TKFC: variants seen among roughly 807,000 people sequenced by gnomAD.
TKFC encodes triokinase and FMN cyclase.
A neutral mutation model predicts 61.0 loss-of-function variants in TKFC; 46 were observed. The observed-to-expected ratio is 0.75, with a 90% confidence interval of 0.60 to 0.96. TKFC has a LOEUF of 0.96. TKFC is among the 50% of genes least tolerant of loss of function. The pLI is 0.00. For synonymous variants in TKFC, 314 were observed against 330.1 expected, an observed-to-expected ratio of 0.95 and a Z score of 0.53; for missense variants, 715 against 777.5, an observed-to-expected ratio of 0.92 and a Z score of 0.96.
Position 61,345,950 on chromosome 11 carries a change from A to C in TKFC, c.1575+4A>C. 1 of 1,613,276 alleles carries C rather than the reference A, an allele frequency of 6.2e-7. No individual in the cohort carries two copies. The highest frequency in any genetic ancestry group is 8.5e-7 in the Non-Finnish European group (1 of 1,179,880). ...AGTCCTGACCAAAGCAGTCAAGGTG[A>C]GTGAGGCTGGGCCCAGCCACCTGGG... is the stretch of plus-strand genomic sequence containing the variant. On this transcript the variant is annotated splice_donor_region_variant and intron_variant, in intron 17 of 17. Transcript: ENST00000394900.
Position 61,339,373 on chromosome 11 carries a change from G to A in TKFC, c.424G>A (p.Ala142Thr), listed in dbSNP as rs775617467. 10 of 1,613,570 alleles carry A rather than the reference G, an allele frequency of 6.2e-6. No individual in the cohort carries two copies. The highest frequency in any genetic ancestry group is 4.5e-5 in the East Asian group (2 of 44,870). ...VEMVVIGDDS[A>T]FTVLKKAGRR... ...GATGGTGGTGATTGGGGACGACAGC[G>A]CCTTCACTGTCCTGAAGAAGGCAGG... The change falls in exon 5 of 18, where the codon GCC becomes ACC. Residue 142 changes from alanine (A) to threonine (T), a missense_variant. By Grantham distance (58) the Ala-to-Thr change is moderately conservative. Transcript: ENST00000394900.
chr11:61,345,128 G>A (rs1857054756), intron 13 of TKFC, 132 bp from the exon 14 acceptor site: 2 of 760,894 alleles, frequency 2.6e-6, no homozygotes, highest in Non-Finnish European at 4.1e-6. Flanking sequence ...CACACTGGAT[G>A]TGGAAAGGGA....
rs1236516438 is a variant in TKFC at position 61,339,034 on chromosome 11, C to T, written c.194-32C>T. 3.1e-6 allele frequency: 5 copies of T among 1,593,318 alleles called. No homozygotes were observed. In the African/African-American group the frequency reaches 6.7e-5, roughly 21 times the overall value. On this transcript the variant is annotated intron_variant, in intron 3 of 17. Transcript: ENST00000394900. ...AGTGACTACAGGCGCGAGTCCCACC[C>T]AGCATGCTCACTCCACTCCTTCCAC...
At position 61,348,609 on chromosome 11, in the gene TKFC, C is replaced by A; in HGVS notation, c.*2106C>A. 1 of 575,310 alleles carries A rather than the reference C, an allele frequency of 1.7e-6. No homozygotes were observed. The highest frequency in any genetic ancestry group is 2.2e-6 in the Non-Finnish European group (1 of 454,974). 35.6% of individuals were successfully genotyped at this position (575,310 alleles called of 1,614,324 possible). On this transcript the variant is annotated 3_prime_UTR_variant, in exon 18 of 18. Transcript: ENST00000394900. ...GTTATGAGGGTGGAGCCCCAGAGAG[C>A]TCTCACGCCCTTTCCACCATGTGAG... is the stretch of plus-strand genomic sequence containing the variant.
At chr11:61,351,251 G>A, downstream of TKFC, 1 of 1,223,596 alleles carries the variant, frequency 8.2e-7, no homozygotes, top group Admixed American at 3.3e-5. Flanking sequence ...ACCTTCCCGG[G>A]TCCATATGTG....
At chr11:61,334,435 G>T in intron 1 of TKFC, 185 bp from the exon 2 acceptor site, 1 of 416,526 alleles carries the variant, frequency 2.4e-6, no homozygotes, top group East Asian at 4.5e-5. Context: ...CTGTCTTCTG[G>T]CAGTGAAGTG....
chr11:61,345,734 G>A lies in TKFC; in HGVS notation c.1474G>A (p.Asp492Asn). Reference protein sequence around the residue: ...MQKYGKAAPGDRTMLDSLWAA... With the variant: ...MQKYGKAAPGNRTMLDSLWAA... ...CAGGTATGGCAAGGCTGCTCCAGGGGACAGGACTATGGTATGTACTCAGGC... is the reference window on the plus strand; with the variant it reads ...CAGGTATGGCAAGGCTGCTCCAGGGAACAGGACTATGGTATGTACTCAGGC... Residue 492 changes from aspartate to asparagine, a missense_variant, in exon 16 of 18, where the codon GAC (aspartate) becomes AAC (asparagine). By Grantham distance (23) the Asp-to-Asn change is conservative (BLOSUM62 1). Transcript: ENST00000394900. 6.2e-7 allele frequency: 1 copy of A among 1,614,252 alleles called. No individual in the cohort carries two copies.
In TKFC at chr11:61,345,702, TCCCTG is replaced by T; in HGVS notation, c.1452-7_1452-3del. On this transcript the variant is annotated splice_polypyrimidine_tract_variant and splice_region_variant and intron_variant, in intron 15 of 17. Coordinates refer to ENST00000394900, the MANE Select transcript of TKFC (RefSeq NM_015533.4). ...TATAGTGAGCCTCTTTCACTCTCTT[TCCCTG>T]CCAGGTATGGCAAGGCTGCTCCAGG... 6.2e-7 allele frequency: 1 copy of T among 1,614,232 alleles called. No homozygotes were observed. The highest frequency in any genetic ancestry group is 8.5e-7 in the Non-Finnish European group (1 of 1,180,036).
In TKFC at chr11:61,347,167, G is replaced by A; in HGVS notation, c.*664G>A. ...CTTAGCATTGAATTAATAATTCAGT[G>A]GCTCCTCGGGAGTCGAATGGGCATT... On this transcript the variant is annotated 3_prime_UTR_variant, in exon 18 of 18. Coordinates refer to ENST00000394900, the MANE Select transcript of TKFC (RefSeq NM_015533.4). 1 of 985,434 alleles carries A rather than the reference G, an allele frequency of 1.0e-6. No individual in the cohort carries two copies. Among genetic ancestry groups the A allele is most frequent in the Non-Finnish European group, 1.2e-6 (1 of 829,944 alleles). The allele number at this position is 985,434 out of a possible 1,614,324, so 61.0% of individuals were successfully genotyped here.
chr11:61,339,915 C>A (rs1381863712), intron 5 of TKFC, among the ~76,000 whole-genome samples: 1 of 152,204 alleles, frequency 6.6e-6, no homozygotes, highest in Non-Finnish European at 1.5e-5. Flanking sequence ...TGCCTACAAT[C>A]AATACAAGCC....
At chr11:61,350,126 CA>C (rs376630188), downstream of TKFC, 12 of 577,958 alleles carry the variant, frequency 2.1e-5, no homozygotes, top group African/African-American at 1.1e-4. Context: ...CCAGAGAAGG[CA>C]GGCCCAGCAC....
At chr11:61,343,136 T>C in intron 10 of TKFC, 1 of 613,524 alleles carries the variant, frequency 1.6e-6, no homozygotes, top group Non-Finnish European at 2.9e-6. Context: ...AAATGAGACC[T>C]GTAATTACTC....
chr11:61,342,327 A>G (rs764998951), intron 7 of TKFC, 134 bp from the exon 8 acceptor site: 10 of 1,148,780 alleles, frequency 8.7e-6, no homozygotes, highest in Non-Finnish European at 1.2e-5. Flanking sequence ...CGTGTTTTTC[A>G]TTATTCTGTC....
downstream of TKFC, chr11:61,350,838 T>C (rs1010956377): frequency 1.8e-6 from 2 of 1,106,350 alleles, no homozygotes; most frequent in African/African-American, 1.6e-5. Flanking sequence ...GGACCAGTGC[T>C]CCCCATCAGC....
chr11:61,350,280 G>A, downstream of TKFC: 2 of 1,338,754 alleles, frequency 1.5e-6, no homozygotes, highest in Non-Finnish European at 2.1e-6. Context: ...AGAAGTCTGG[G>A]CCCAGCATTG....
At chr11:61,350,053 G>C (rs574334638), downstream of TKFC, 372 of 513,464 alleles carry the variant, frequency 7.2e-4, 1 homozygote, top group South Asian at 3.1e-3. Flanking sequence ...GAGGACCTGA[G>C]AGGCTGACGC....
At chr11:61,341,759 C>T in intron 6 of TKFC, 64 bp from the exon 7 acceptor site, 1 of 1,497,420 alleles carries the variant, frequency 6.7e-7, no homozygotes, top group Non-Finnish European at 9.3e-7. Flanking sequence ...ATGCTGCTGC[C>T]ACCCTTCCTG....
At position 61,348,544 on chromosome 11, in the gene TKFC, A is replaced by G; in HGVS notation, c.*2041A>G. 1.0e-6 allele frequency: 1 copy of G among 968,834 alleles called. No individual in the cohort carries two copies. Among genetic ancestry groups the G allele is most frequent in the African/African-American group, 1.8e-5 (1 of 57,014 alleles). The allele number at this position is 968,834 out of a possible 1,614,324, so 60.0% of individuals were successfully genotyped here. On this transcript the variant is annotated 3_prime_UTR_variant, in exon 18 of 18. Transcript: ENST00000394900. ...CTGTGTTGAAAGGCTCACCCCCACT[A>G]TGGTAGTGTTAGGACGTGGGGCCTT...
In TKFC at chr11:61,339,056, C is replaced by G. The variant is rs202102256; in HGVS notation, c.194-10C>G. On this transcript the variant is annotated splice_polypyrimidine_tract_variant and intron_variant, in intron 3 of 17. Coordinates refer to ENST00000394900, the MANE Select transcript of TKFC (RefSeq NM_015533.4). ...ACCCAGCATGCTCACTCCACTCCTT[C>G]CACCTCCAGGTTTCATAGGGAAGGG... The G allele has an allele frequency of 3.4e-5, 55 of 1,610,748 alleles. No homozygotes were observed. The East Asian group carries it at 1.2e-3, about 35-fold the overall frequency.
Sources: gnomAD v4.1 joint callset for allele counts (sites outside exome capture counted in the v4.1 genomes callset) on GRCh38, gnomAD v4.1.1 for gene constraint, MANE v1.5 for transcripts, NCBI Gene and HGNC (gene_info 2026-07-23, HGNC 2026-07-21) for gene names.